CAPN9: variants seen among roughly 807,000 people sequenced by gnomAD.
CAPN9 encodes the protein calpain 9, also known as calpain-9.
CAPN9 carries 81 observed loss-of-function variants against 92.8 expected under a neutral mutation model. The ratio of observed to expected loss-of-function variants is 0.87; its 90% CI spans 0.73 to 1.05. The LOEUF (loss-of-function observed/expected upper bound fraction) is 1.05. Among genes scored for constraint, CAPN9 ranks in the 50% least tolerant of loss-of-function variants. The probability of loss-of-function intolerance (pLI) is 0.00; values close to 1 mark genes in which losing one functional copy is unlikely to be tolerated. For missense variants in CAPN9, 848 were observed against 866.2 expected, an observed-to-expected ratio of 0.98 and a Z score of 0.26; for synonymous variants, 304 against 328.0, an observed-to-expected ratio of 0.93 and a Z score of 0.79.
chr1:230,748,348 C>T (rs1373306914), intron 1 of CAPN9, among the ~76,000 whole-genome samples: 4 of 152,170 alleles, frequency 2.6e-5, no homozygotes, highest in Non-Finnish European at 4.4e-5. Context: ...TCAATATTTG[C>T]GGTGCTGGAT....
intron 18 of CAPN9, among the ~76,000 whole-genome samples, chr1:230,795,691 C>T (rs1205902058): frequency 3.3e-5 from 5 of 151,962 alleles, no homozygotes; most frequent in African/African-American, 9.7e-5. Context: ...ATTTGTTACA[C>T]CACAAATAGA....
At chr1:230,751,862 AGGGGAG>A (rs1375280394) in intron 1 of CAPN9, among the ~76,000 whole-genome samples, 2 of 646 alleles carry the variant, frequency 3.1e-3, no homozygotes, top group Non-Finnish European at 6.1e-3. Context: ...GGGGTGGGGG[AGGGGAG>A]GGGGAGGGGG....
In CAPN9 at chr1:230,787,602, G is replaced by A. The variant is rs769271970; in HGVS notation, c.1599G>A (p.Glu533=). The A allele has an allele frequency of 1.2e-6, 2 of 1,613,150 alleles. No homozygotes were observed. The highest frequency in any genetic ancestry group is 1.7e-6 in the Non-Finnish European group (2 of 1,179,148). The change falls in exon 13 of 20, where the codon GAG becomes GAA. Residue 533 remains glutamate, a splice_region_variant and synonymous_variant. Coordinates refer to ENST00000271971, the MANE Select transcript of CAPN9 (RefSeq NM_006615.3). ...FRALFEQVAG[E]DMEVTAEELE... ...CTCTGTTTGAACAAGTCGCTGGTGA[G>A]GTAGGACATGCCCCACTTCCATCTC...
In CAPN9 at chr1:230,779,122, G is replaced by A. The variant is rs144137595; in HGVS notation, c.1103G>A (p.Arg368His). ...WVRGSTAGGC[R>H]NFLDTFWTNP... The stretch of plus-strand genomic sequence containing the variant: ...CGCGGCTCCACGGCTGGGGGCTGCC[G>A]CAATTTCCTGGGTAGGTAGGCTGCC... The change falls in exon 9 of 20, where the codon CGC becomes CAC. Residue 368 changes from arginine to histidine, a missense_variant. Arg to His is a conservative substitution (Grantham distance 29). Coordinates refer to ENST00000271971, the MANE Select transcript of CAPN9 (RefSeq NM_006615.3). 77 of 1,612,146 alleles carry A rather than the reference G, an allele frequency of 4.8e-5. No homozygotes were observed. Among genetic ancestry groups the A allele is most frequent in the Middle Eastern group, 4.2e-4 (2 of 4,770 alleles).
At chr1:230,761,555 A>AAC (rs147168033) in intron 3 of CAPN9, among the ~76,000 whole-genome samples, 139 of 150,618 alleles carry the variant, frequency 9.2e-4, no homozygotes, top group South Asian at 2.3e-3. Context: ...TCTTCCTTAA[A>AAC]ACACACACAC....
At chr1:230,767,785 T>A in intron 5 of CAPN9, 76 bp downstream of exon 5, 1 of 1,375,280 alleles carries the variant, frequency 7.3e-7, no homozygotes, top group South Asian at 1.4e-5. Flanking sequence ...ATGCTGGGGC[T>A]GTACCAGGTA....
At chr1:230,756,898 T>C (rs553331976) in intron 2 of CAPN9, among the ~76,000 whole-genome samples, 90 of 151,222 alleles carry the variant, frequency 6.0e-4, no homozygotes, top group Non-Finnish European at 6.8e-4. Context: ...GCTGAGATCA[T>C]GCCACTGCAC....
intron 17 of CAPN9, 56 bp downstream of exon 17, chr1:230,792,984 G>A (rs746029414): frequency 2.1e-5 from 28 of 1,312,582 alleles, no homozygotes; most frequent in Non-Finnish European, 3.0e-5. Flanking sequence ...CTGCCTGTGG[G>A]CAACCTGAGC....
rs555083332 is a variant in CAPN9 at position 230,758,380 on chromosome 1, C to T, written c.284-1132C>T. On this transcript the variant is annotated intron_variant, in intron 2 of 19. Coordinates refer to ENST00000271971, the MANE Select transcript of CAPN9 (RefSeq NM_006615.3). ...CACTTGGTAAAGTTTGCTGAACAAA[C>T]GATCCTGCAGGTTCCAGCCATGTCA... is the stretch of plus-strand genomic sequence containing the variant. 7.2e-5 allele frequency among the ~76,000 whole-genome samples: 11 copies of T among 152,240 alleles called. No homozygotes were observed. The East Asian group carries it at 1.5e-3, about 21-fold the overall frequency.
At chr1:230,785,663 T>C (rs200986462) in intron 11 of CAPN9, among the ~76,000 whole-genome samples, 1 of 152,226 alleles carries the variant, frequency 6.6e-6, no homozygotes, top group East Asian at 1.9e-4. Flanking sequence ...ACTGTGCTCC[T>C]GTAAAGCCTG....
chr1:230,768,471 C>T (rs1666151964), intron 5 of CAPN9, among the ~76,000 whole-genome samples: 1 of 151,988 alleles, frequency 6.6e-6, no homozygotes, highest in South Asian at 2.1e-4. Flanking sequence ...CACACACTTC[C>T]ACACACAAAC....
intron 1 of CAPN9, among the ~76,000 whole-genome samples, chr1:230,749,923 GTACTC>G (rs1318667753): frequency 6.6e-6 from 1 of 152,110 alleles, no homozygotes; most frequent in Admixed American, 6.5e-5. Flanking sequence ...AGTGTAATCT[GTACTC>G]TACAACTCAC....
intron 6 of CAPN9, among the ~76,000 whole-genome samples, chr1:230,770,467 C>A (rs1341078385): frequency 6.6e-6 from 1 of 152,132 alleles, no homozygotes; most frequent in African/African-American, 2.4e-5. Flanking sequence ...ACCAGAATAA[C>A]CTTAAAGCAA....
chr1:230,798,775 T>C (rs1262106434), intron 19 of CAPN9, among the ~76,000 whole-genome samples: 1 of 152,200 alleles, frequency 6.6e-6, no homozygotes, highest in East Asian at 1.9e-4. Flanking sequence ...AGTGGACCCA[T>C]CTGCTCACAG....
At chr1:230,753,182 G>A (rs1213335261) in intron 1 of CAPN9, among the ~76,000 whole-genome samples, 2 of 152,142 alleles carry the variant, frequency 1.3e-5, no homozygotes. Context: ...TTAATGAAAT[G>A]GCGCCAAAGC....
chr1:230,772,091 G>A lies in CAPN9; in HGVS notation c.867G>A (p.Trp289Ter), dbSNP rs768804089. Residue 289 changes from tryptophan to a stop codon, truncating the protein, a stop_gained, in exon 7 of 20, where the codon TGG becomes TGA. Coordinates refer to ENST00000271971, the MANE Select transcript of CAPN9 (RefSeq NM_006615.3). LOFTEE classifies it high-confidence loss of function. The part of the protein sequence containing the change: ...PWGQVEWNGS[W>*]SDSSPEWRSV... The stretch of plus-strand genomic sequence containing the variant: ...GCCAGGTTGAGTGGAACGGGTCGTG[G>A]AGCGACAGGTCAGTCACCCTATCCT... The A allele has an allele frequency of 6.2e-7, 1 of 1,614,152 alleles. No homozygotes were observed.
intron 1 of CAPN9, chr1:230,752,712 C>T (rs1664926099): frequency 1.0e-6 from 1 of 984,988 alleles, no homozygotes; most frequent in Non-Finnish European, 1.2e-6. Flanking sequence ...TTTATGTCCA[C>T]TTGAGGAGTG....
chr1:230,790,271 C>A, intron 14 of CAPN9, 82 bp downstream of exon 14: 2 of 1,554,478 alleles, frequency 1.3e-6, no homozygotes, highest in South Asian at 1.2e-5. Context: ...CCCTGCTCCT[C>A]CGAGCCGCAG....
In CAPN9 at chr1:230,800,251, A is replaced by AAAG. The variant is rs1668609370; in HGVS notation, c.2047-1316_2047-1314dup. 3.5e-5 allele frequency among the ~76,000 whole-genome samples: 4 copies of AAAG among 114,948 alleles called. 1 individual carries two copies. The highest frequency in any genetic ancestry group is 9.2e-5 in the Admixed American group (1 of 10,818). 75.4% of individuals were successfully genotyped at this position (114,948 alleles called of 152,430 possible). Reference sequence around the variant, plus strand: ...AGAAAGAAGAAAGAAAGAAAGAAAGAAAGAAAGAAAGAAAGAAAGAAAGAA... The same window carrying AAAG: ...AGAAAGAAGAAAGAAAGAAAGAAAGAAAGAAGAAAGAAAGAAAGAAAGAAAGAA... On this transcript the variant is annotated intron_variant, in intron 19 of 19. Transcript: ENST00000271971.
Sources: allele counts gnomAD v4.1 joint callset (sites outside exome capture counted in the v4.1 genomes callset), GRCh38; gene constraint gnomAD v4.1.1; transcripts MANE v1.5; gene names NCBI Gene and HGNC (gene_info 2026-07-23, HGNC 2026-07-21).